The following ARB2A variants were observed in gnomAD, a reference collection of about 807,000 sequenced individuals.
The protein encoded by ARB2A is ARB2 cotranscriptional regulator A, also known as cotranscriptional regulator ARB2A.
the ARB2A span, among the ~76,000 whole-genome samples, chr5:94,005,411 T>C: frequency 3.9e-5 from 6 of 152,166 alleles, no homozygotes; most frequent in Non-Finnish European, 8.8e-5. Context: ...TTTCACCATA[T>C]TGCCCAGGGT....
At chr5:93,864,662 C>T in the ARB2A span, among the ~76,000 whole-genome samples, 2 of 152,198 alleles carry the variant, frequency 1.3e-5, no homozygotes, top group East Asian at 3.9e-4. Context: ...GTATTTAGTA[C>T]AGAAAATGTA....
At chr5:93,816,581 T>C in the ARB2A span, among the ~76,000 whole-genome samples, 5 of 152,144 alleles carry the variant, frequency 3.3e-5, no homozygotes, top group East Asian at 1.9e-4. Flanking sequence ...GGGAAGGCAG[T>C]AGGACCTGAA....
the ARB2A span, among the ~76,000 whole-genome samples, chr5:93,971,687 C>T: frequency 6.6e-6 from 1 of 151,926 alleles, no homozygotes; most frequent in African/African-American, 2.4e-5. Flanking sequence ...AATAAAAATA[C>T]AATTTAAAAT....
the ARB2A span, among the ~76,000 whole-genome samples, chr5:93,858,012 G>A: frequency 1.2e-4 from 18 of 152,064 alleles, no homozygotes; most frequent in African/African-American, 4.1e-4. Flanking sequence ...CATACTAATG[G>A]CTATGATTTA....
chr5:94,015,945 A>G, the ARB2A span, among the ~76,000 whole-genome samples: 7 of 152,170 alleles, frequency 4.6e-5, no homozygotes, highest in African/African-American at 1.7e-4. Flanking sequence ...AGTGAATAAT[A>G]ACAGCACTGA....
the ARB2A span, chr5:93,863,431 A>G: frequency 6.6e-6 from 1 of 151,230 alleles, no homozygotes; most frequent in Admixed American, 6.6e-5. Flanking sequence ...TTATCTATAT[A>G]TATATATTTA....
chr5:93,634,932 G>A, the ARB2A span, among the ~76,000 whole-genome samples: 4 of 151,962 alleles, frequency 2.6e-5, no homozygotes, highest in Admixed American at 6.6e-5. Context: ...GTGCCACCAC[G>A]CCCGGCTAAT....
At chr5:93,651,043 G>C in the ARB2A span, among the ~76,000 whole-genome samples, 2 of 151,636 alleles carry the variant, frequency 1.3e-5, no homozygotes, top group African/African-American at 4.8e-5. Flanking sequence ...ACTATATACA[G>C]CTTAACAATA....
chr5:94,072,530 G>T, the ARB2A span, among the ~76,000 whole-genome samples: 1 of 152,066 alleles, frequency 6.6e-6, no homozygotes. Context: ...CAACATTAAT[G>T]TCCAGAATAA....
At chr5:93,995,719 C>T in the ARB2A span, among the ~76,000 whole-genome samples, 1 of 152,176 alleles carries the variant, frequency 6.6e-6, no homozygotes, top group South Asian at 2.1e-4. Flanking sequence ...AAGTTCTACA[C>T]AACTGCCATA....
chr5:93,837,970 T>C, the ARB2A span, among the ~76,000 whole-genome samples: 1 of 152,138 alleles, frequency 6.6e-6, no homozygotes, highest in Non-Finnish European at 1.5e-5. Flanking sequence ...TGTTTACTCT[T>C]TTGATAGTTT....
the ARB2A span, among the ~76,000 whole-genome samples, chr5:94,049,319 T>G: frequency 6.6e-6 from 1 of 152,192 alleles, no homozygotes; most frequent in Non-Finnish European, 1.5e-5. Flanking sequence ...TTCAACTTAT[T>G]AGCCAAATAT....
the ARB2A span, chr5:93,739,881 T>C: frequency 6.6e-6 from 1 of 150,394 alleles, no homozygotes; most frequent in Non-Finnish European, 1.5e-5. Flanking sequence ...CAAAGGAGTT[T>C]AGAATACAGT....
At chr5:94,108,464 A>G in the ARB2A span, among the ~76,000 whole-genome samples, 27 of 152,226 alleles carry the variant, frequency 1.8e-4, 1 homozygote, top group African/African-American at 6.5e-4. Context: ...AGGATTAAAG[A>G]GTTAAAATGC....
At chr5:93,985,598 A>AT in the ARB2A span, among the ~76,000 whole-genome samples, 1 of 151,898 alleles carries the variant, frequency 6.6e-6, no homozygotes, top group Non-Finnish European at 1.5e-5. Flanking sequence ...TGGATTTTGT[A>AT]TTTTTTGGTG....
chr5:93,763,133 A>G, the ARB2A span, among the ~76,000 whole-genome samples: 1 of 152,240 alleles, frequency 6.6e-6, no homozygotes, highest in African/African-American at 2.4e-5. Flanking sequence ...AAGAAACTGC[A>G]TCAACTAACG....
At chr5:94,082,082 G>A in the ARB2A span, among the ~76,000 whole-genome samples, 1 of 152,288 alleles carries the variant, frequency 6.6e-6, no homozygotes, top group East Asian at 1.9e-4. Flanking sequence ...TAAAAGAGGA[G>A]CATTATATAA....
At chr5:93,788,071 T>C in the ARB2A span, among the ~76,000 whole-genome samples, 1 of 152,178 alleles carries the variant, frequency 6.6e-6, no homozygotes, top group African/African-American at 2.4e-5. Context: ...TCCTTCACTA[T>C]GTGGCATGCT....
the ARB2A span, among the ~76,000 whole-genome samples, chr5:93,828,890 C>A: frequency 6.6e-6 from 1 of 152,166 alleles, no homozygotes; most frequent in Non-Finnish European, 1.5e-5. Flanking sequence ...GATTTTCCTG[C>A]CTCAGCCTCC....
Sources: gnomAD v4.1 joint callset for allele counts (sites outside exome capture counted in the v4.1 genomes callset) on GRCh38, gnomAD v4.1.1 for gene constraint, MANE v1.5 for transcripts, NCBI Gene and HGNC (gene_info 2026-07-23, HGNC 2026-07-21) for gene names.